The following SLC9C1 variants were observed in gnomAD, a reference collection of about 807,000 sequenced individuals.
SLC9C1 encodes sodium/hydrogen exchanger 10.
In SLC9C1, 97 loss-of-function variants were observed where a neutral mutation model predicts 140.9. The observed-to-expected ratio is 0.69, with a 90% confidence interval of 0.58 to 0.82. The LOEUF is 0.82. Ranked by LOEUF, SLC9C1 falls within the 40% of genes least tolerant of loss-of-function variation. The pLI is 0.00. For synonymous variants in SLC9C1, 440 were observed against 442.6 expected (o/e 0.99, Z 0.07); for missense variants, 1,340 against 1,389.3 (o/e 0.96, Z 0.56).
At chr3:112,226,410 T>G (rs1325998226) in intron 13 of SLC9C1, among the ~76,000 whole-genome samples, 1 of 152,088 alleles carries the variant, frequency 6.6e-6, no homozygotes, top group Non-Finnish European at 1.5e-5. Flanking sequence ...TTTATAGTAA[T>G]AAACTTTTAC....
At chr3:112,264,136 TA>T (rs2079852251) in intron 9 of SLC9C1, 63 bp downstream of exon 9, 1 of 770,086 alleles carries the variant, frequency 1.3e-6, no homozygotes, top group Non-Finnish European at 1.8e-6. Context: ...TTGTGTTATT[TA>T]AAAGATGACC....
In SLC9C1 at chr3:112,207,884, A is replaced by T. The variant is rs546746373; in HGVS notation, c.1986+294T>A. Among the ~76,000 whole-genome samples, 12 of 152,246 alleles carry T rather than the reference A, an allele frequency of 7.9e-5. 1 individual carries two copies. The South Asian group carries it at 1.9e-3, about 24-fold the overall frequency. Reference sequence around the variant, plus strand: ...TAATAAAATGAACCTTCAAGTACTCACCACCCTGCTAAGACTGAGAATATT... The same window carrying T: ...TAATAAAATGAACCTTCAAGTACTCTCCACCCTGCTAAGACTGAGAATATT... On this transcript the variant is annotated intron_variant, in intron 16 of 28. Coordinates refer to ENST00000305815, the MANE Select transcript of SLC9C1 (RefSeq NM_183061.3).
Position 112,167,253 on chromosome 3 carries a change from T to G in SLC9C1, c.3332A>C (p.Lys1111Thr). ...TCCTGGTGTAAGATAACTTTTATGTTTAGGAACAAACTTTCTAATATTCCT... is the reference window on the plus strand; with the variant it reads ...TCCTGGTGTAAGATAACTTTTATGTGTAGGAACAAACTTTCTAATATTCCT... ...FRRNIRKFVP[K>T]HKSYLTPGLI... The change falls in exon 26 of 29, where the codon AAA (lysine) becomes ACA (threonine). Residue 1111 changes from lysine to threonine, a missense_variant. Transcript: ENST00000305815. 6.2e-7 allele frequency: 1 copy of G among 1,610,226 alleles called. No individual in the cohort carries two copies. Among genetic ancestry groups the G allele is most frequent in the Non-Finnish European group, 8.5e-7 (1 of 1,178,408 alleles).
At chr3:112,182,977 T>C (rs1463643732) in intron 20 of SLC9C1, among the ~76,000 whole-genome samples, 1 of 152,238 alleles carries the variant, frequency 6.6e-6, no homozygotes, top group Admixed American at 6.5e-5. Flanking sequence ...AGTATTCGGT[T>C]GTATGGATAC....
intron 10 of SLC9C1, among the ~76,000 whole-genome samples, chr3:112,251,601 C>T (rs1296913948): frequency 1.3e-5 from 2 of 152,150 alleles, no homozygotes; most frequent in African/African-American, 4.8e-5. Flanking sequence ...ACTCCCATGG[C>T]ATCTCCTGGG....
At chr3:112,216,994 T>G (rs9823928) in intron 15 of SLC9C1, among the ~76,000 whole-genome samples, 114,732 of 151,968 alleles carry the variant, frequency 0.75, 43,724 homozygotes, top group East Asian at 0.99. Flanking sequence ...AGAAAATATG[T>G]CACATATACA....
intron 5 of SLC9C1, among the ~76,000 whole-genome samples, chr3:112,276,595 G>A (rs1239069596): frequency 2.6e-5 from 4 of 151,884 alleles, no homozygotes; most frequent in Non-Finnish European, 5.9e-5. Context: ...AACCTTGCAA[G>A]GTACTCTTCG....
rs191156346 is a variant in SLC9C1, at chr3:112,145,552, T to A, written c.3525-4271A>T. On this transcript the variant is annotated intron_variant, in intron 28 of 28. Coordinates refer to ENST00000305815, the MANE Select transcript of SLC9C1 (RefSeq NM_183061.3). ...ATTAGTACTAGCTCTTCTTTGTATA[T>A]CTGGTAGAATTTGGCTGTGAATCCA... Among the ~76,000 whole-genome samples, 237 of 151,302 alleles carry A rather than the reference T, an allele frequency of 1.6e-3. 3 individuals are homozygous for A. Among genetic ancestry groups the A allele is most frequent in the Non-Finnish European group, 5.2e-4 (35 of 67,888 alleles).
chr3:112,224,387 T>G (rs2078624423), intron 13 of SLC9C1, among the ~76,000 whole-genome samples: 1 of 95,640 alleles, frequency 1.0e-5, no homozygotes, highest in Non-Finnish European at 2.2e-5. Context: ...AAGATATCAA[T>G]GCAAGGATAC....
At chr3:112,279,533 T>G (rs931050239) in intron 3 of SLC9C1, among the ~76,000 whole-genome samples, 2 of 152,188 alleles carry the variant, frequency 1.3e-5, no homozygotes, top group Non-Finnish European at 2.9e-5. Flanking sequence ...AGGTGGATAA[T>G]CATGCACAAA....
At chr3:112,214,258 A>G (rs2078291804) in intron 15 of SLC9C1, among the ~76,000 whole-genome samples, 1 of 152,374 alleles carries the variant, frequency 6.6e-6, no homozygotes, top group African/African-American at 2.4e-5. Flanking sequence ...AGAAAGCAGG[A>G]AAAATCTATA....
At chr3:112,238,722 C>T (rs1309766072) in intron 12 of SLC9C1, among the ~76,000 whole-genome samples, 1 of 152,206 alleles carries the variant, frequency 6.6e-6, no homozygotes, top group African/African-American at 2.4e-5. Flanking sequence ...TGGAGGTCCA[C>T]TCCAGACCCT....
At chr3:112,218,005 A>G (rs550152317) in intron 14 of SLC9C1, among the ~76,000 whole-genome samples, 8 of 152,142 alleles carry the variant, frequency 5.3e-5, no homozygotes, top group Non-Finnish European at 7.3e-5. Flanking sequence ...AAAGCATCCA[A>G]CTCATATCAC....
At chr3:112,284,560 G>C (rs1428817027) in intron 2 of SLC9C1, among the ~76,000 whole-genome samples, 1 of 152,178 alleles carries the variant, frequency 6.6e-6, no homozygotes. Flanking sequence ...CTGTTCAAGA[G>C]GCAGTTCTAG....
chr3:112,228,522 ATAGACAT>A (rs1285306793), intron 13 of SLC9C1, among the ~76,000 whole-genome samples: 1 of 152,162 alleles, frequency 6.6e-6, no homozygotes, highest in African/African-American at 2.4e-5. Context: ...AAAAGGAAAA[ATAGACAT>A]ATGAGATTAT....
At chr3:112,275,085 G>A in intron 5 of SLC9C1, 60 bp from the exon 6 acceptor site, 1 of 1,477,660 alleles carries the variant, frequency 6.8e-7, no homozygotes, top group Non-Finnish European at 9.0e-7. Context: ...AAAATTAAAT[G>A]TTAAAGAATA....
intron 7 of SLC9C1, among the ~76,000 whole-genome samples, chr3:112,268,715 T>C (rs1052050677): frequency 3.3e-5 from 5 of 152,232 alleles, no homozygotes; most frequent in African/African-American, 1.2e-4. Flanking sequence ...TTTTAAAATA[T>C]GTATAAATGT....
rs368083759 is a variant in SLC9C1 at position 112,237,643 on chromosome 3, G to A, written c.1446+2197C>T. Among the ~76,000 whole-genome samples the A allele has an allele frequency of 7.2e-5, 11 of 152,280 alleles. No homozygotes were observed. The South Asian group carries it at 2.1e-3, about 29-fold the overall frequency. ...TGCTTCCTTCAGGAGCTCTTGTAGG[G>A]CAGGCCTGGTGGTGACAAAATCTCT... On this transcript the variant is annotated intron_variant, in intron 12 of 28. Transcript: ENST00000305815.
rs1553707068 is a variant in SLC9C1, at chr3:112,283,494, A to AAT, written c.89-2712_89-2711insAT. Among the ~76,000 whole-genome samples the AAT allele has an allele frequency of 3.7e-3, 548 of 147,188 alleles. 18 individuals carry two copies. Among genetic ancestry groups the AAT allele is most frequent in the Admixed American group, 0.015 (215 of 14,720 alleles). Reference sequence around the variant, plus strand: ...CCTATCTCTAAAAAAAAAAAAAAAAAAGAATGTCTTTGTTCTATGCAAATC... The same window carrying AAT: ...CCTATCTCTAAAAAAAAAAAAAAAAAATAGAATGTCTTTGTTCTATGCAAATC... On this transcript the variant is annotated intron_variant, in intron 2 of 28. Coordinates refer to ENST00000305815, the MANE Select transcript of SLC9C1 (RefSeq NM_183061.3).
Sources: gnomAD v4.1 joint callset for allele counts (sites outside exome capture counted in the v4.1 genomes callset) on GRCh38, gnomAD v4.1.1 for gene constraint, MANE v1.5 for transcripts, NCBI Gene and HGNC (gene_info 2026-07-23, HGNC 2026-07-21) for gene names.